The following KIAA1210 variants were observed in gnomAD, a reference collection of about 807,000 sequenced individuals.
KIAA1210 encodes acrosomal protein KIAA1210.
KIAA1210 carries 48 observed loss-of-function variants against 78.9 expected under a neutral mutation model. That is an observed-to-expected ratio of 0.61 (90% CI 0.48 to 0.77). The LOEUF (loss-of-function observed/expected upper bound fraction) is 0.77. Ranked by LOEUF, KIAA1210 falls within the 30% of genes least tolerant of loss-of-function variation. The pLI, the probability that KIAA1210 is intolerant of heterozygous loss-of-function variation, is 0.00. For synonymous variants in KIAA1210, 406 were observed against 404.5 expected (o/e 1.00, Z -0.04); for missense variants, 1,108 against 1,100.0 (o/e 1.01, Z -0.10).
At chrX:119,131,426 G>A (rs184851201), upstream of KIAA1210, among the ~76,000 whole-genome samples, 18 of 111,903 alleles carry the variant, frequency 1.6e-4, no homozygotes, top group East Asian at 3.9e-3. Context: ...AGGGAGCAGC[G>A]TTGAAAAACT....
At chrX:119,147,696 T>G in intron 1 of KIAA1210, 1 of 882,749 alleles carries the variant, frequency 1.1e-6, no homozygotes, top group Non-Finnish European at 1.6e-6. Context: ...GATGGCAATG[T>G]GTTAGCCAAG....
intron 10 of KIAA1210, among the ~76,000 whole-genome samples, chrX:119,083,742 C>A (rs1470658812): frequency 1.8e-5 from 2 of 110,955 alleles, no homozygotes; most frequent in African/African-American, 3.3e-5. Context: ...AATCCCAACA[C>A]TTTGTGAGGC....
In KIAA1210 at chrX:119,109,119, T is replaced by C; in HGVS notation, c.314A>G (p.Lys105Arg). The change falls in exon 4 of 12, where the codon AAA (lysine) becomes AGA (arginine). Residue 105 changes from lysine to arginine, a missense_variant. This residue lies in a region of KIAA1210 where 672 missense variants were observed against 607.1 expected (regional missense o/e 1.11). Transcript: ENST00000691062. ...LGPEPERSAS[K>R]MFPSMDPQRG... ...CTGGGGATCCATAGAAGGAAACATT[T>C]TACTTGCTGATCTTTCAGGCTCAGG... 8.3e-7 allele frequency: 1 copy of C among 1,209,522 alleles called. No homozygotes were observed. The highest frequency in any genetic ancestry group is 1.1e-6 in the Non-Finnish European group (1 of 893,890).
intron 6 of KIAA1210, among the ~76,000 whole-genome samples, chrX:119,102,038 G>A (rs770882707): frequency 1.8e-5 from 2 of 112,769 alleles, no homozygotes; most frequent in African/African-American, 6.4e-5. Flanking sequence ...GTTAGCTGTC[G>A]TTGCTATTGC....
intron 2 of KIAA1210, among the ~76,000 whole-genome samples, chrX:119,121,917 C>T (rs1174566192): frequency 9.1e-6 from 1 of 110,075 alleles, no homozygotes; most frequent in East Asian, 2.9e-4. Flanking sequence ...TACAGGCATC[C>T]GCCACCACGC....
At position 119,100,966 on chromosome X, in the gene KIAA1210, C is replaced by T. The variant is rs749186809; in HGVS notation, c.648+4026G>A. Among the ~76,000 whole-genome samples the T allele has an allele frequency of 6.2e-5, 7 of 112,172 alleles. No individual in the cohort carries two copies. The East Asian group carries it at 8.4e-4, about 13-fold the overall frequency. Reference sequence around the variant, plus strand: ...TGCCTCAACATCTGGGAGATGTGCCCGGCCTGGTACCTACTAATCCAGAAT... The same window carrying T: ...TGCCTCAACATCTGGGAGATGTGCCTGGCCTGGTACCTACTAATCCAGAAT... On this transcript the variant is annotated intron_variant, in intron 6 of 11. Coordinates refer to ENST00000691062, the MANE Select transcript of KIAA1210 (RefSeq NM_001394962.1).
upstream of KIAA1210, among the ~76,000 whole-genome samples, chrX:119,129,292 T>C (rs1928729513): frequency 1.8e-5 from 2 of 110,916 alleles, no homozygotes; most frequent in South Asian, 7.8e-4. Context: ...TTCAATAAAA[T>C]CCACCTTTGT....
At chrX:119,092,300 C>G (rs1307867682) in intron 8 of KIAA1210, among the ~76,000 whole-genome samples, 1 of 111,654 alleles carries the variant, frequency 9.0e-6, no homozygotes, top group Non-Finnish European at 1.9e-5. Context: ...TCACTATCTG[C>G]TGCATCCTTA....
At chrX:119,099,663 C>T (rs941061267) in intron 6 of KIAA1210, among the ~76,000 whole-genome samples, 6 of 112,000 alleles carry the variant, frequency 5.4e-5, no homozygotes, top group African/African-American at 1.9e-4. Flanking sequence ...ACTATACACT[C>T]TCTGGAACTC....
rs1386964809 is a variant in KIAA1210 at position 119,087,665 on chromosome X, G to C, written c.3037C>G (p.Pro1013Ala). The stretch of plus-strand genomic sequence containing the variant: ...ACGAATGACTGGGTCGGACGCCTGG[G>C]AATCGGTGATTTGTTAGAAGTGCCT... The part of the protein sequence containing the change: ...VEGTSNKSPI[P>A]RRPTQSFVKF... Residue 1013 changes from proline to alanine, a missense_variant, in exon 9 of 12, where the codon CCC becomes GCC. This residue lies in a region of KIAA1210 where 179 missense variants were observed against 174.1 expected (regional missense o/e 1.03). Transcript: ENST00000691062. The C allele has an allele frequency of 8.3e-7, 1 of 1,211,486 alleles. No individual in the cohort carries two copies. The highest frequency in any genetic ancestry group is 1.1e-6 in the Non-Finnish European group (1 of 895,394).
chrX:119,140,201 G>T (rs1036967476), intron 2 of KIAA1210, among the ~76,000 whole-genome samples: 30 of 111,769 alleles, frequency 2.7e-4, no homozygotes, highest in Admixed American at 6.7e-4. Flanking sequence ...CTTACTTTCA[G>T]ATTGTTTAGA....
chrX:119,142,051 T>C (rs1929060862), intron 2 of KIAA1210, among the ~76,000 whole-genome samples: 1 of 112,181 alleles, frequency 8.9e-6, no homozygotes, highest in Non-Finnish European at 1.9e-5. Flanking sequence ...GCTGGACAAA[T>C]CTAGGTTTGA....
intron 3 of KIAA1210, among the ~76,000 whole-genome samples, chrX:119,115,668 G>A (rs1193196614): frequency 1.8e-5 from 2 of 112,228 alleles, no homozygotes; most frequent in African/African-American, 6.5e-5. Flanking sequence ...CAGCAGGACT[G>A]GTGAGCTCTG....
At position 119,086,969 on chromosome X, in the gene KIAA1210, T is replaced by C. The variant is rs1240884767; in HGVS notation, c.3733A>G (p.Ser1245Gly). The change falls in exon 9 of 12, where the codon AGC becomes GGC. Residue 1245 changes from serine to glycine, a missense_variant. This residue lies in a region of KIAA1210 where 245 missense variants were observed against 278.8 expected (regional missense o/e 0.88). Transcript: ENST00000691062. Reference sequence around the variant, plus strand: ...GGTTTGGTAGCAGGGGCTGGAATGCTCTTTATGGGGTTTTTGGAACCTTGG... The same window carrying C: ...GGTTTGGTAGCAGGGGCTGGAATGCCCTTTATGGGGTTTTTGGAACCTTGG... Reference protein sequence around the residue: ...FSQGSKNPIKSIPAPATKPGK... With the variant: ...FSQGSKNPIKGIPAPATKPGK... 4.1e-6 allele frequency: 5 copies of C among 1,209,555 alleles called. No homozygotes were observed. Among genetic ancestry groups the C allele is most frequent in the Admixed American group, 4.4e-5 (2 of 45,701 alleles).
At chrX:119,100,325 C>CT in intron 6 of KIAA1210, among the ~76,000 whole-genome samples, 1 of 48,718 alleles carries the variant, frequency 2.1e-5, no homozygotes, top group African/African-American at 1.2e-4. Flanking sequence ...GCAAGACTGT[C>CT]TTTAAAAAAA....
intron 2 of KIAA1210, among the ~76,000 whole-genome samples, chrX:119,144,685 T>C (rs1275003457): frequency 8.9e-6 from 1 of 112,250 alleles, no homozygotes; most frequent in Non-Finnish European, 1.9e-5. Context: ...TGACAATTAC[T>C]ATAGTTATCA....
chrX:119,104,995 A>G lies in KIAA1210; in HGVS notation c.645T>C (p.Thr215=). ...KALPHKSLTA[T]QSFSELSSGP... ...CTGTCCCTTAATATATACTCACCTG[A>G]GTCGCTGTCAAACTCTTATGTGGTA... The change falls in exon 6 of 12, where the codon ACT becomes ACC. Residue 215 remains threonine, a synonymous_variant. Transcript: ENST00000691062. The G allele has an allele frequency of 3.3e-6, 4 of 1,208,203 alleles. No individual in the cohort carries two copies. The highest frequency in any genetic ancestry group is 3.4e-6 in the Non-Finnish European group (3 of 893,643).
chrX:119,115,111 C>T (rs1344017113), intron 3 of KIAA1210, among the ~76,000 whole-genome samples: 2 of 111,380 alleles, frequency 1.8e-5, no homozygotes, highest in African/African-American at 3.3e-5. Context: ...CTCCCTTCTC[C>T]GGAGTGACAT....
rs184182969 is a variant in KIAA1210, at chrX:119,097,262, C to T, written c.649-571G>A. Among the ~76,000 whole-genome samples the T allele has an allele frequency of 3.7e-3, 410 of 111,670 alleles. 1 individual carries two copies. Among genetic ancestry groups the T allele is most frequent in the African/African-American group, 0.013 (387 of 30,693 alleles). On this transcript the variant is annotated intron_variant, in intron 6 of 11. Coordinates refer to ENST00000691062, the MANE Select transcript of KIAA1210 (RefSeq NM_001394962.1). ...GACCCTCAGGAACTGAATGCTCTAA[C>T]CTCCAGTGGGATAGTGATGGAGCCT...
Sources: allele counts gnomAD v4.1 joint callset (sites outside exome capture counted in the v4.1 genomes callset), GRCh38; gene constraint gnomAD v4.1.1; regional missense constraint gnomAD v4.1.1; transcripts MANE v1.5; gene names NCBI Gene and HGNC (gene_info 2026-07-23, HGNC 2026-07-21).